The following TMEM94 variants were observed in gnomAD, a reference collection of about 807,000 sequenced individuals.
TMEM94 encodes transmembrane protein 94, also known as ER Mg2+ ATPase.
In TMEM94, 81 loss-of-function variants were observed where a neutral mutation model predicts 158.6. That is an observed-to-expected ratio of 0.51 (90% CI 0.43 to 0.61). The LOEUF (loss-of-function observed/expected upper bound fraction) is 0.61, where lower values mean the gene tolerates loss of function less well. Among genes scored for constraint, TMEM94 ranks in the 20% least tolerant of loss-of-function variants. The pLI is 0.00. For synonymous variants in TMEM94, 751 were observed against 730.7 expected (o/e 1.03, Z -0.45); for missense variants, 1,435 against 1,762.0 (o/e 0.81, Z 3.32).
In TMEM94 at chr17:75,491,982, G is replaced by A. The variant is rs2052241833; in HGVS notation, c.1596+82G>A. 5 of 1,381,986 alleles carry A rather than the reference G, an allele frequency of 3.6e-6. No homozygotes were observed. Among genetic ancestry groups the A allele is most frequent in the Non-Finnish European group, 5.0e-6 (5 of 999,624 alleles). The allele number at this position is 1,381,986 out of a possible 1,614,324, so 85.6% of individuals were successfully genotyped here. A position where few individuals can be genotyped will look rare whatever the true frequency, so the allele number is the denominator to read the frequency against. On this transcript the variant is annotated intron_variant, in intron 14 of 31. Coordinates refer to ENST00000314256, the MANE Select transcript of TMEM94 (RefSeq NM_014738.6). The surrounding 1 kb of genome is among the most constrained non-coding windows in gnomAD (Gnocchi z 5.1). ...CTCCCTGGCCAGCCTGGCCTCACAA[G>A]GTCTGAAAGAGCAGGCGTCTCTGCC...
At position 75,492,820 on chromosome 17, in the gene TMEM94, C is replaced by A; in HGVS notation, c.1912+31C>A. On this transcript the variant is annotated intron_variant, in intron 15 of 31. Coordinates refer to ENST00000314256, the MANE Select transcript of TMEM94 (RefSeq NM_014738.6). The surrounding 1 kb of genome is among the most constrained non-coding windows in gnomAD (Gnocchi z 4.4). ...GGTCCCCATGGCAGGGGATGGCTGG[C>A]TGGACCCGCCTCCTAGAAGAGGCCC... 6.3e-7 allele frequency: 1 copy of A among 1,586,444 alleles called. No homozygotes were observed. Among genetic ancestry groups the A allele is most frequent in the Non-Finnish European group, 8.6e-7 (1 of 1,166,924 alleles).
intron 1 of TMEM94, among the ~76,000 whole-genome samples, chr17:75,463,178 G>GTATATATATATATA (rs749164900): frequency 5.3e-4 from 8 of 15,062 alleles, no homozygotes; most frequent in African/African-American, 1.2e-3. Flanking sequence ...GTGTGTGTGT[G>GTATATATATATATA]TATATATATA....
rs754635735 is a variant in TMEM94 at position 75,493,574 on chromosome 17, CCT to C, written c.2176_2177del (p.Ser726GlyfsTer3). 5 of 1,613,880 alleles carry C rather than the reference CCT, an allele frequency of 3.1e-6. No individual in the cohort carries two copies. The African/African-American group carries it at 5.3e-5, about 17-fold the overall frequency. On this transcript the variant is annotated frameshift_variant, in exon 17 of 32. Coordinates refer to ENST00000314256, the MANE Select transcript of TMEM94 (RefSeq NM_014738.6). LOFTEE classifies it high-confidence loss of function. ...CTTCTGGGACGGAGCTGACATCTAC[CCT>C]CTCTCGGGATCTGACAGGTGGGTGA... ...TDFWDGADIY[P>X]LSGSDRKKVL...
intron 1 of TMEM94, among the ~76,000 whole-genome samples, chr17:75,462,043 C>T (rs1286894257): frequency 1.3e-5 from 1 of 76,526 alleles, no homozygotes; most frequent in Admixed American, 1.7e-4. Context: ...AGTCTTCTTG[C>T]TCTGTTGCCC....
Position 75,491,932 on chromosome 17 carries a change from A to G in TMEM94, c.1596+32A>G. 1.3e-6 allele frequency: 2 copies of G among 1,572,870 alleles called. No individual in the cohort carries two copies. Among genetic ancestry groups the G allele is most frequent in the South Asian group, 1.1e-5 (1 of 87,708 alleles). On this transcript the variant is annotated intron_variant, in intron 14 of 31. Coordinates refer to ENST00000314256, the MANE Select transcript of TMEM94 (RefSeq NM_014738.6). The surrounding 1 kb of genome is among the most constrained non-coding windows in gnomAD (Gnocchi z 5.1). ...GGAGGGGGTGGCACGGGGCAGCCAC[A>G]CCCTCGGCCACAGGCTGTCCTGGCC...
At position 75,492,586 on chromosome 17, in the gene TMEM94, T is replaced by C; in HGVS notation, c.1709T>C (p.Phe570Ser). The C allele has an allele frequency of 6.2e-7, 1 of 1,614,062 alleles. No individual in the cohort carries two copies. Among genetic ancestry groups the C allele is most frequent in the Non-Finnish European group, 8.5e-7 (1 of 1,180,006 alleles). ...QDQQNPSCIQ[F>S]DDSNWQLHLT... ...CAGCAGAACCCCTCCTGCATCCAGT[T>C]TGATGACTCCAACTGGCAGCTGCAC... The change falls in exon 15 of 32, where the codon TTT (phenylalanine) becomes TCT (serine). Residue 570 changes from phenylalanine (F) to serine (S), a missense_variant. Coordinates refer to ENST00000314256, the MANE Select transcript of TMEM94 (RefSeq NM_014738.6). The surrounding 1 kb of genome is among the most constrained non-coding windows in gnomAD (Gnocchi z 4.4).
chr17:75,492,769 G>A lies in TMEM94; in HGVS notation c.1892G>A (p.Cys631Tyr). The change falls in exon 15 of 32, where the codon TGC (cysteine) becomes TAC (tyrosine). Residue 631 changes from cysteine to tyrosine, a missense_variant. Cys to Tyr is a radical substitution (Grantham distance 194). This residue lies in a region of TMEM94 where 1,051 missense variants were observed against 1,254.4 expected (regional missense o/e 0.84). Coordinates refer to ENST00000314256, the MANE Select transcript of TMEM94 (RefSeq NM_014738.6). The surrounding 1 kb of genome is among the most constrained non-coding windows in gnomAD (Gnocchi z 4.4). ...CCCGTCCATGTGCCCTGGGGCCTCT[G>A]CGAGCTTGCCCGCCTCATTGGTACA... ...VLPVHVPWGL[C>Y]ELARLIGFTP... 1 of 1,607,034 alleles carries A rather than the reference G, an allele frequency of 6.2e-7. No homozygotes were observed. The highest frequency in any genetic ancestry group is 8.5e-7 in the Non-Finnish European group (1 of 1,179,398).
intron 1 of TMEM94, among the ~76,000 whole-genome samples, chr17:75,462,466 A>G (rs996816710): frequency 1.3e-5 from 2 of 151,666 alleles, no homozygotes; most frequent in Admixed American, 6.6e-5. Context: ...AATTATCTCC[A>G]TAATTTCTCA....
chr17:75,458,510 T>G (rs935687553), intron 1 of TMEM94, among the ~76,000 whole-genome samples: 1 of 151,412 alleles, frequency 6.6e-6, no homozygotes, highest in Non-Finnish European at 1.5e-5. Flanking sequence ...GAGATCAACC[T>G]GGGCAACACA....
At chr17:75,476,121 G>C (rs1341226989) in intron 2 of TMEM94, among the ~76,000 whole-genome samples, 1 of 152,194 alleles carries the variant, frequency 6.6e-6, no homozygotes, top group South Asian at 2.1e-4. Context: ...ACTTCTCATG[G>C]ATGATGGGCT....
At chr17:75,459,218 C>G (rs1212590604) in intron 1 of TMEM94, among the ~76,000 whole-genome samples, 1 of 152,180 alleles carries the variant, frequency 6.6e-6, no homozygotes, top group Non-Finnish European at 1.5e-5. Flanking sequence ...TTTGTCAAAA[C>G]TGCAAACAGG....
intron 4 of TMEM94, 38 bp downstream of exon 4, chr17:75,486,036 G>C (rs770887360): frequency 6.4e-7 from 1 of 1,572,836 alleles, no homozygotes; most frequent in Admixed American, 1.8e-5. Context: ...CTCTCCAGCT[G>C]TGCTGTCCAT....
rs182578668 is a variant in TMEM94 at position 75,497,959 on chromosome 17, G to A, written c.3489+97G>A. 3.1e-4 allele frequency: 385 copies of A among 1,255,878 alleles called. 1 individual carries two copies. In the Admixed American group the frequency reaches 7.1e-3, roughly 23 times the overall value. The allele number at this position is 1,255,878 out of a possible 1,614,324, so 77.8% of individuals were successfully genotyped here. A position where few individuals can be genotyped will look rare whatever the true frequency, so the allele number is the denominator to read the frequency against. ...GGCTAATCTGGAAGGCTCTGGATGG[G>A]GGATTCCAGCAGAACTCCGGCACTT... On this transcript the variant is annotated intron_variant, in intron 27 of 31. Transcript: ENST00000314256.
chr17:75,461,300 A>T (rs1029454133), intron 1 of TMEM94, among the ~76,000 whole-genome samples: 1 of 151,192 alleles, frequency 6.6e-6, no homozygotes, highest in African/African-American at 2.4e-5. Flanking sequence ...GGGTTTCGCC[A>T]TGTTGGCCAT....
At position 75,488,752 on chromosome 17, in the gene TMEM94, C is replaced by A. The variant is rs1341850079; in HGVS notation, c.613-7C>A. On this transcript the variant is annotated splice_region_variant and splice_polypyrimidine_tract_variant and intron_variant, in intron 6 of 31. Transcript: ENST00000314256. The stretch of plus-strand genomic sequence containing the variant: ...CTCGTTCCCACTCTCCCACTTGCTG[C>A]CGGCAGGATGACGAGCACATCGTCC... 2 of 1,613,662 alleles carry A rather than the reference C, an allele frequency of 1.2e-6. No individual in the cohort carries two copies. The highest frequency in any genetic ancestry group is 2.7e-5 in the African/African-American group (2 of 74,918).
Position 75,495,247 on chromosome 17 carries a change from T to A in TMEM94, c.2729-37T>A. ...GGGCAAGGACAGGTTCCCAGAAGGCTGGTCCCAAGGTGAGGGAGAGGCTTT... is the reference window on the plus strand; with the variant it reads ...GGGCAAGGACAGGTTCCCAGAAGGCAGGTCCCAAGGTGAGGGAGAGGCTTT... On this transcript the variant is annotated intron_variant, in intron 20 of 31. Transcript: ENST00000314256. The surrounding 1 kb of genome is among the most constrained non-coding windows in gnomAD (Gnocchi z 5.6). The A allele has an allele frequency of 6.6e-7, 1 of 1,523,988 alleles. No individual in the cohort carries two copies. Among genetic ancestry groups the A allele is most frequent in the Middle Eastern group, 1.7e-4 (1 of 5,746 alleles). The allele number at this position is 1,523,988 out of a possible 1,614,324, so 94.4% of individuals were successfully genotyped here. A position where few individuals can be genotyped will look rare whatever the true frequency, so the allele number is the denominator to read the frequency against.
Position 75,496,427 on chromosome 17 carries a change from T to G in TMEM94, c.3199T>G (p.Phe1067Val). 1.2e-6 allele frequency: 2 copies of G among 1,613,494 alleles called. No homozygotes were observed. Among genetic ancestry groups the G allele is most frequent in the South Asian group, 1.1e-5 (1 of 91,090 alleles). Residue 1067 changes from phenylalanine (F) to valine (V), a missense_variant, in exon 24 of 32, where the codon TTT becomes GTT. Transcript: ENST00000314256. ...QLNSLPCSLT[F>V]RQEETISIIR... ...CAACAGCCTGCCCTGTTCCCTGACC[T>G]TTCGCCAGGAGGAGACCATCAGCAT...
chr17:75,470,502 G>A (rs2050456557), intron 1 of TMEM94, among the ~76,000 whole-genome samples: 1 of 151,630 alleles, frequency 6.6e-6, no homozygotes, highest in Non-Finnish European at 1.5e-5. Flanking sequence ...TCAGGAGATC[G>A]AGACCATCCT....
Position 75,488,837 on chromosome 17 carries a change from G to A in TMEM94, c.691G>A (p.Glu231Lys). The change falls in exon 7 of 32, where the codon GAG (glutamate) becomes AAG (lysine). Residue 231 changes from glutamate to lysine, a missense_variant. By Grantham distance (56) the Glu-to-Lys change is moderately conservative (BLOSUM62 1). Coordinates refer to ENST00000314256, the MANE Select transcript of TMEM94 (RefSeq NM_014738.6). ...SPPPSPRGEV[E>K]RGPQSPQQHR... Reference sequence around the variant, plus strand: ...TCCACCCTCACCCCGGGGAGAAGTGGAGAGAGGGCCACAGAGCCCCCAGCA... The same window carrying A: ...TCCACCCTCACCCCGGGGAGAAGTGAAGAGAGGGCCACAGAGCCCCCAGCA... 1.2e-6 allele frequency: 2 copies of A among 1,612,766 alleles called. No individual in the cohort carries two copies. The highest frequency in any genetic ancestry group is 1.1e-5 in the South Asian group (1 of 90,916).
Sources: gnomAD v4.1 joint callset for allele counts (sites outside exome capture counted in the v4.1 genomes callset) on GRCh38, gnomAD v4.1.1 for gene constraint, gnomAD v4.1.1 regional missense constraint, Gnocchi (gnomAD v3.1) non-coding constraint, MANE v1.5 for transcripts, NCBI Gene and HGNC (gene_info 2026-07-23, HGNC 2026-07-21) for gene names.